Variants in NCOR1 observed in about 807,000 individuals in gnomAD.
NCOR1 encodes nuclear receptor corepressor 1, also known as protein phosphatase 1, regulatory subunit 109.
NCOR1 carries 63 observed loss-of-function variants against 288.1 expected under a neutral mutation model. The observed-to-expected ratio is 0.22, with a 90% CI of 0.18 to 0.27. NCOR1 has a LOEUF of 0.27. NCOR1 is among the 10% of genes least tolerant of loss of function. The probability of loss-of-function intolerance (pLI) is 1.00; values close to 1 mark genes in which losing one functional copy is unlikely to be tolerated. For synonymous variants in NCOR1, 1,007 were observed against 1,065.9 expected, an observed-to-expected ratio of 0.94 and a Z score of 1.08; for missense variants, 2,397 against 3,019.2, an observed-to-expected ratio of 0.79 and a Z score of 4.83.
intron 45 of NCOR1, among the ~76,000 whole-genome samples, chr17:16,033,396 T>A (rs1972875321): frequency 6.9e-6 from 1 of 145,166 alleles, no homozygotes; most frequent in African/African-American, 2.6e-5. Flanking sequence ...AAATAATAAA[T>A]CTCATGTATG....
At chr17:16,127,709 GTGTGTATATATACATATA>G (rs1363556494) in intron 14 of NCOR1, among the ~76,000 whole-genome samples, 5 of 126,428 alleles carry the variant, frequency 4.0e-5, no homozygotes, top group Admixed American at 8.0e-5. Flanking sequence ...GTATATATGT[GTGTGTATATATACATATA>G]TGTGTATATA....
chr17:16,067,191 G>T (rs1028227832), intron 32 of NCOR1, among the ~76,000 whole-genome samples: 2 of 152,250 alleles, frequency 1.3e-5, no homozygotes, highest in Non-Finnish European at 2.9e-5. Context: ...CTGCACATCT[G>T]CACCTATCAG....
At chr17:16,199,262 T>G (rs1301168234) in intron 1 of NCOR1, among the ~76,000 whole-genome samples, 2 of 141,526 alleles carry the variant, frequency 1.4e-5, no homozygotes, top group Non-Finnish European at 3.0e-5. Context: ...ATCAGGAAAT[T>G]AGCCCCTACT....
At chr17:16,115,443 CGTT>C in intron 18 of NCOR1, among the ~76,000 whole-genome samples, 1 of 152,200 alleles carries the variant, frequency 6.6e-6, no homozygotes, top group East Asian at 1.9e-4. Context: ...TTTTCTATCA[CGTT>C]GTTAGGCTGC....
chr17:16,210,876 C>T (rs1412211819), intron 1 of NCOR1, among the ~76,000 whole-genome samples: 2 of 152,014 alleles, frequency 1.3e-5, no homozygotes, highest in African/African-American at 2.4e-5. Context: ...ACTACAGGTG[C>T]GTGCCATCAT....
intron 14 of NCOR1, among the ~76,000 whole-genome samples, chr17:16,131,984 T>C (rs1172627191): frequency 6.6e-6 from 1 of 152,194 alleles, no homozygotes; most frequent in Admixed American, 6.5e-5. Flanking sequence ...TAGGTACAAT[T>C]GGGCAGAGCA....
chr17:16,058,035 A>G lies in NCOR1; in HGVS notation c.6040T>C (p.Leu2014=), dbSNP rs765331073. The G allele has an allele frequency of 8.7e-6, 14 of 1,613,986 alleles. No individual in the cohort carries two copies. The highest frequency in any genetic ancestry group is 1.2e-5 in the Non-Finnish European group (14 of 1,180,034). ...NDPTRQYEGP[L]HHYRPQQESP... is the part of the protein sequence containing the mutation. Reference sequence around the variant, plus strand: ...TCCTGCTGTGGTCGATAGTGATGTAATGGTCCTTCATATTGTCTGGTAGGA... The same window carrying G: ...TCCTGCTGTGGTCGATAGTGATGTAGTGGTCCTTCATATTGTCTGGTAGGA... The change falls in exon 39 of 46, where the codon TTA becomes CTA. Residue 2014 remains leucine, a synonymous_variant. Coordinates refer to ENST00000268712, the MANE Select transcript of NCOR1 (RefSeq NM_006311.4).
chr17:16,133,983 T>G (rs1454311410), intron 14 of NCOR1, among the ~76,000 whole-genome samples: 1 of 152,174 alleles, frequency 6.6e-6, no homozygotes, highest in Non-Finnish European at 1.5e-5. Flanking sequence ...TAAAACAACC[T>G]CCTAACTGGT....
intron 37 of NCOR1, 150 bp downstream of exon 37, chr17:16,061,250 TA>T (rs2060517522): frequency 1.0e-6 from 1 of 971,584 alleles, no homozygotes; most frequent in South Asian, 1.7e-5. Context: ...GATATTTAAA[TA>T]ATCATAAAAA....
At chr17:16,076,040 T>C (rs1414188265) in intron 26 of NCOR1, among the ~76,000 whole-genome samples, 1 of 152,210 alleles carries the variant, frequency 6.6e-6, no homozygotes, top group Admixed American at 6.5e-5. Context: ...CAGCTTTTAT[T>C]AGGTTGTTGC....
chr17:16,083,146 T>C (rs2063653612), intron 23 of NCOR1, among the ~76,000 whole-genome samples: 2 of 151,984 alleles, frequency 1.3e-5, no homozygotes, highest in South Asian at 2.1e-4. Flanking sequence ...GGCTGGAGAA[T>C]TGTTTGAAAC....
intron 43 of NCOR1, 159 bp from the exon 44 acceptor site, chr17:16,039,813 G>C: frequency 6.1e-6 from 4 of 656,374 alleles, no homozygotes; most frequent in Non-Finnish European, 7.7e-6. Flanking sequence ...TTTGGAGACA[G>C]AGTCTCTCTC....
intron 14 of NCOR1, among the ~76,000 whole-genome samples, chr17:16,129,524 T>A (rs1166456372): frequency 1.3e-5 from 2 of 152,198 alleles, no homozygotes; most frequent in African/African-American, 4.8e-5. Context: ...AGGGAGATTT[T>A]AAAATTTAAA....
intron 1 of NCOR1, among the ~76,000 whole-genome samples, chr17:16,203,738 A>T (rs1165398639): frequency 1.3e-5 from 2 of 152,350 alleles, no homozygotes; most frequent in East Asian, 1.9e-4. Context: ...TAATTTTTTT[A>T]AAAGAAATAA....
intron 3 of NCOR1, 51 bp from the exon 4 acceptor site, chr17:16,172,046 A>G: frequency 7.2e-7 from 1 of 1,383,198 alleles, no homozygotes; most frequent in Non-Finnish European, 9.8e-7. Context: ...GTGATGTACA[A>G]CTCCCTGGTA....
chr17:16,142,180 A>G (rs559729911), intron 11 of NCOR1, among the ~76,000 whole-genome samples: 7 of 152,324 alleles, frequency 4.6e-5, no homozygotes, highest in African/African-American at 1.4e-4. Context: ...AGAGGAAGTC[A>G]TAACACTGCT....
chr17:16,040,379 T>C (rs1264137558), intron 43 of NCOR1, 62 bp downstream of exon 43: 2 of 1,355,280 alleles, frequency 1.5e-6, no homozygotes, highest in Non-Finnish European at 2.1e-6. Context: ...CAGTACATAT[T>C]TGTTGGACTG....
chr17:16,100,505 G>T (rs968108528), intron 20 of NCOR1, among the ~76,000 whole-genome samples: 5 of 152,102 alleles, frequency 3.3e-5, no homozygotes, highest in Non-Finnish European at 7.4e-5. Flanking sequence ...GCCAAGCATG[G>T]TGGCGTGTGC....
intron 27 of NCOR1, among the ~76,000 whole-genome samples, chr17:16,075,292 A>G (rs984033571): frequency 3.9e-5 from 6 of 152,202 alleles, no homozygotes; most frequent in African/African-American, 1.4e-4. Flanking sequence ...ACAGTCGACA[A>G]TCTTAGCTAC....
Sources: gnomAD v4.1 joint callset for allele counts (sites outside exome capture counted in the v4.1 genomes callset) on GRCh38, gnomAD v4.1.1 for gene constraint, MANE v1.5 for transcripts, NCBI Gene and HGNC (gene_info 2026-07-23, HGNC 2026-07-21) for gene names.